FAM118B: variants seen among roughly 807,000 people sequenced by gnomAD.
FAM118B encodes SIR2 antiphage like 1, also known as protein FAM118B.
Under a neutral mutation model 38.5 loss-of-function variants are expected in FAM118B, and 24 were observed. The ratio of observed to expected loss-of-function variants is 0.62; its 90% CI spans 0.45 to 0.88. FAM118B has a LOEUF of 0.88. FAM118B is among the 40% of genes least tolerant of loss of function. The probability of loss-of-function intolerance (pLI) is 0.00; values close to 1 mark genes in which losing one functional copy is unlikely to be tolerated. For synonymous variants in FAM118B, 138 were observed against 156.3 expected, an observed-to-expected ratio of 0.88 and a Z score of 0.87; for missense variants, 334 against 420.0, an observed-to-expected ratio of 0.80 and a Z score of 1.79.
At position 126,262,119 on chromosome 11, in the gene FAM118B, G is replaced by A. The variant is rs1335992907; in HGVS notation, c.1043-1G>A. The A allele has an allele frequency of 1.9e-6, 3 of 1,614,060 alleles. No individual in the cohort carries two copies. Among genetic ancestry groups the A allele is most frequent in the Non-Finnish European group, 8.5e-7 (1 of 1,179,980 alleles). Reference sequence around the variant, plus strand: ...TTGTTCTCTTTTCTTTCTCCCTACAGGCTGTAGTACATGAGCGAGCTAGAG... The same window carrying A: ...TTGTTCTCTTTTCTTTCTCCCTACAAGCTGTAGTACATGAGCGAGCTAGAG... On this transcript the variant is annotated splice_acceptor_variant, in intron 8 of 8. Transcript: ENST00000533050. LOFTEE classifies it high-confidence loss of function.
chr11:126,254,420 A>G lies in FAM118B; in HGVS notation c.683A>G (p.Asn228Ser). The change falls in exon 6 of 9, where the codon AAC (asparagine) becomes AGC (serine). Residue 228 changes from asparagine (N) to serine (S), a missense_variant. By Grantham distance (46) the Asn-to-Ser change is conservative. Coordinates refer to ENST00000533050, the MANE Select transcript of FAM118B (RefSeq NM_024556.4). ...HPAGYQNVLR[N>S]TEVMREIQKL... is the part of the protein sequence containing the mutation. ...GCTGGATATCAGAACGTGCTCAGGA[A>G]CACTGAAGTCATGGTGAGTGGGGCT... 1.2e-6 allele frequency: 2 copies of G among 1,614,236 alleles called. No individual in the cohort carries two copies. Among genetic ancestry groups the G allele is most frequent in the Non-Finnish European group, 1.7e-6 (2 of 1,180,024 alleles).
chr11:126,254,886 G>T (rs917853967), intron 6 of FAM118B, among the ~76,000 whole-genome samples: 2 of 152,188 alleles, frequency 1.3e-5, no homozygotes, highest in African/African-American at 4.8e-5. Flanking sequence ...ACTTATGGGT[G>T]TGCATGCTGT....
chr11:126,262,319 A>AC lies in FAM118B; in HGVS notation c.*186_*187insC, dbSNP rs1158478951. The AC allele has an allele frequency of 4.0e-6, 2 of 497,046 alleles. No homozygotes were observed. Among genetic ancestry groups the AC allele is most frequent in the Non-Finnish European group, 7.3e-6 (2 of 274,660 alleles). The allele number at this position is 497,046 out of a possible 1,614,324, so 30.8% of individuals were successfully genotyped here. A position where few individuals can be genotyped will look rare whatever the true frequency, so the allele number is the denominator to read the frequency against. ...TCCTTCATACCACCTGGTTCTTGAT[A>AC]TTCTGCCGCCTGTTCAAGTTCAAGA... On this transcript the variant is annotated 3_prime_UTR_variant, in exon 9 of 9. Transcript: ENST00000533050.
intron 1 of FAM118B, among the ~76,000 whole-genome samples, chr11:126,212,080 T>A (rs1189310867): frequency 6.6e-6 from 1 of 152,214 alleles, no homozygotes; most frequent in Non-Finnish European, 1.5e-5. Context: ...GAATCTCCGG[T>A]GATCCGCCAG....
intron 2 of FAM118B, among the ~76,000 whole-genome samples, chr11:126,231,573 T>C (rs1950206911): frequency 1.3e-5 from 2 of 152,198 alleles, no homozygotes; most frequent in Non-Finnish European, 2.9e-5. Flanking sequence ...TTGGATATAA[T>C]GTAGGCATGC....
In FAM118B at chr11:126,256,919, G is replaced by T; in HGVS notation, c.982+67G>T. ...GCTCTTCAGCCTTTTGTGTATTTGT[G>T]ATGTGATGGGCAAAATAGTTGCCAA... On this transcript the variant is annotated intron_variant, in intron 7 of 8. Transcript: ENST00000533050. This position sits in a 1 kb window ranked among gnomAD's most constrained non-coding sequence, Gnocchi z 6.6. The T allele has an allele frequency of 6.9e-7, 1 of 1,458,126 alleles. No individual in the cohort carries two copies. 90.3% of individuals were successfully genotyped at this position (1,458,126 alleles called of 1,614,324 possible). A position where few individuals can be genotyped will look rare whatever the true frequency, so the allele number is the denominator to read the frequency against.
intron 1 of FAM118B, among the ~76,000 whole-genome samples, chr11:126,216,560 G>A (rs80139314): frequency 4.6e-5 from 7 of 152,198 alleles, no homozygotes; most frequent in East Asian, 1.9e-4. Flanking sequence ...TTTCTATGGC[G>A]TTTTTCTGGT....
rs371459202 is a variant in FAM118B at position 126,250,547 on chromosome 11, A to T, written c.381A>T (p.Leu127Phe). ...GATCCACATTTTTCAAGGACTGTTT[A>T]TATGAAGTATTTGATGACTTGGAGT... ...NVRSTFFKDCLYEVFDDLESK... is the reference protein window; with the variant it reads ...NVRSTFFKDCFYEVFDDLESK... Residue 127 changes from leucine (L) to phenylalanine (F), a missense_variant, in exon 5 of 9, where the codon TTA becomes TTT. This residue lies in a region of FAM118B where 240 missense variants were observed against 295.9 expected (regional missense o/e 0.81). Coordinates refer to ENST00000533050, the MANE Select transcript of FAM118B (RefSeq NM_024556.4). The surrounding 1 kb of genome is among the most constrained non-coding windows in gnomAD (Gnocchi z 5.1). 1.2e-6 allele frequency: 2 copies of T among 1,614,144 alleles called. No individual in the cohort carries two copies. Among genetic ancestry groups the T allele is most frequent in the Non-Finnish European group, 8.5e-7 (1 of 1,179,984 alleles).
At chr11:126,245,264 A>G (rs1950405086) in intron 4 of FAM118B, 1 of 152,250 alleles carries the variant, frequency 6.6e-6, no homozygotes, top group Non-Finnish European at 1.5e-5. Flanking sequence ...CCTGGGCAAC[A>G]TAGTGAGACC....
Position 126,256,148 on chromosome 11 carries a change from G to A in FAM118B, c.697-419G>A, listed in dbSNP as rs1419642585. ...TAGCTGGGTGTGGTGGTGCACACTT[G>A]TAATATACTCGGGAGGCTGAGGCAT... On this transcript the variant is annotated intron_variant, in intron 6 of 8. Transcript: ENST00000533050. The surrounding 1 kb of genome is among the most constrained non-coding windows in gnomAD (Gnocchi z 6.6). 6.6e-6 allele frequency among the ~76,000 whole-genome samples: 1 copy of A among 152,038 alleles called. No homozygotes were observed. Among genetic ancestry groups the A allele is most frequent in the East Asian group, 1.9e-4 (1 of 5,178 alleles).
At chr11:126,219,501 C>CCATAGGCAT (rs767726792) in intron 1 of FAM118B, among the ~76,000 whole-genome samples, 7 of 151,470 alleles carry the variant, frequency 4.6e-5, no homozygotes, top group Non-Finnish European at 8.9e-5. Flanking sequence ...GTAGCTGGGA[C>CCATAGGCAT]CATAGGCATA....
At chr11:126,225,421 A>G (rs375576515) in intron 1 of FAM118B, among the ~76,000 whole-genome samples, 24 of 152,346 alleles carry the variant, frequency 1.6e-4, no homozygotes, top group East Asian at 1.3e-3. Flanking sequence ...CTGTGGGTGT[A>G]GAGCATCAGC....
chr11:126,240,710 CTG>C, intron 3 of FAM118B, 80 bp from the exon 4 acceptor site: 1 of 1,404,560 alleles, frequency 7.1e-7, no homozygotes, highest in Non-Finnish European at 9.6e-7. Flanking sequence ...TAGCTAAAAA[CTG>C]TAACCTGAGT....
intron 2 of FAM118B, 30 bp from the exon 3 acceptor site, chr11:126,234,965 T>C (rs1183729664): frequency 2.0e-6 from 3 of 1,515,826 alleles, no homozygotes; most frequent in Non-Finnish European, 2.7e-6. Flanking sequence ...ACAGATCTAA[T>C]TGTGGTTCAT....
Position 126,244,273 on chromosome 11 carries a change from A to G in FAM118B, c.339+3229A>G, listed in dbSNP as rs971957527. 6.6e-6 allele frequency among the ~76,000 whole-genome samples: 1 copy of G among 152,196 alleles called. No homozygotes were observed. The highest frequency in any genetic ancestry group is 2.4e-5 in the African/African-American group (1 of 41,460). On this transcript the variant is annotated intron_variant, in intron 4 of 8. Coordinates refer to ENST00000533050, the MANE Select transcript of FAM118B (RefSeq NM_024556.4). The surrounding 1 kb of genome is among the most constrained non-coding windows in gnomAD (Gnocchi z 4.5). ...TTAAGCAAGAAAACTAAAGGAATCC[A>G]TATTGGAAAGGAAGAAGTAAACTGC...
At position 126,235,089 on chromosome 11, in the gene FAM118B, T is replaced by C; in HGVS notation, c.86+2T>C. The C allele has an allele frequency of 6.2e-7, 1 of 1,613,698 alleles. No homozygotes were observed. Among genetic ancestry groups the C allele is most frequent in the Non-Finnish European group, 8.5e-7 (1 of 1,179,742 alleles). ...CGAACCTCCCACCAAAAAGCCCAGG[T>C]AAACAAGAGAAGGGAATCAGCAGAG... On this transcript the variant is annotated splice_donor_variant, in intron 3 of 8. Coordinates refer to ENST00000533050, the MANE Select transcript of FAM118B (RefSeq NM_024556.4). LOFTEE classifies it high-confidence loss of function.
rs1034840094 is a variant in FAM118B at position 126,253,697 on chromosome 11, G to A, written c.568-608G>A. On this transcript the variant is annotated intron_variant, in intron 5 of 8. Transcript: ENST00000533050. The surrounding 1 kb of genome is among the most constrained non-coding windows in gnomAD (Gnocchi z 5.1). ...ACATACCTGCAGACATCTGATGGCC[G>A]CACCAGGGCTGAGTGATATAAGGGG... Among the ~76,000 whole-genome samples, 8 of 152,140 alleles carry A rather than the reference G, an allele frequency of 5.3e-5. No individual in the cohort carries two copies. The South Asian group carries it at 8.3e-4, about 16-fold the overall frequency.
chr11:126,241,752 G>A (rs1950361118), intron 4 of FAM118B, among the ~76,000 whole-genome samples: 1 of 152,096 alleles, frequency 6.6e-6, no homozygotes, highest in Admixed American at 6.5e-5. Flanking sequence ...GTTTTGCCAT[G>A]TTGGTCAAGC....
intron 1 of FAM118B, among the ~76,000 whole-genome samples, chr11:126,217,114 G>A (rs1296834553): frequency 6.6e-6 from 1 of 152,220 alleles, no homozygotes; most frequent in Non-Finnish European, 1.5e-5. Flanking sequence ...CACAGACATG[G>A]GGAGCATGCC....
Sources: allele counts gnomAD v4.1 joint callset (sites outside exome capture counted in the v4.1 genomes callset), GRCh38; gene constraint gnomAD v4.1.1; regional missense constraint gnomAD v4.1.1; non-coding constraint Gnocchi (gnomAD v3.1); transcripts MANE v1.5; gene names NCBI Gene and HGNC (gene_info 2026-07-23, HGNC 2026-07-21).